The following NREP variants were observed in gnomAD, a reference collection of about 807,000 sequenced individuals.
NREP encodes the protein neuronal regeneration-related protein.
Under a neutral mutation model 8.6 loss-of-function variants are expected in NREP, and 5 were observed. That is an observed-to-expected ratio of 0.58 (90% CI 0.30 to 1.22). The LOEUF (loss-of-function observed/expected upper bound fraction) is 1.22, where lower values mean the gene tolerates loss of function less well. NREP is among the 50% of genes most tolerant of loss of function. NREP has a pLI of 0.07. For synonymous variants in NREP, 27 were observed against 28.0 expected (o/e 0.96, Z 0.11); for missense variants, 86 against 82.5 (o/e 1.04, Z -0.17).
At chr5:111,892,563 A>C (rs1217788731) in intron 2 of NREP, among the ~76,000 whole-genome samples, 1 of 152,182 alleles carries the variant, frequency 6.6e-6, no homozygotes, top group Non-Finnish European at 1.5e-5. Context: ...GTTAGAAATA[A>C]AGGGACATTA....
chr5:111,944,661 TCTTAA>T (rs1755927304), intron 2 of NREP, among the ~76,000 whole-genome samples: 1 of 152,092 alleles, frequency 6.6e-6, no homozygotes, highest in Admixed American at 6.6e-5. Context: ...GAATATCTGT[TCTTAA>T]CTTGATTGGT....
intron 2 of NREP, among the ~76,000 whole-genome samples, chr5:111,787,070 G>A (rs2112889252): frequency 6.6e-6 from 1 of 152,292 alleles, no homozygotes; most frequent in East Asian, 1.9e-4. Context: ...AAAGGAACCA[G>A]CAGTAGCCAC....
chr5:111,757,228 T>TG (rs1750772738), upstream of NREP: 15 of 229,230 alleles, frequency 6.5e-5, no homozygotes, highest in Admixed American at 1.9e-3. Flanking sequence ...GAAAGACAGA[T>TG]TGGGGGGGGA....
intron 2 of NREP, among the ~76,000 whole-genome samples, chr5:111,748,035 T>C (rs1314672362): frequency 1.3e-5 from 2 of 152,166 alleles, no homozygotes; most frequent in Non-Finnish European, 2.9e-5. Flanking sequence ...AAAAGCACCA[T>C]TAATACCCTC....
chr5:111,919,872 A>AG (rs1755178149), intron 2 of NREP, among the ~76,000 whole-genome samples: 2 of 83,754 alleles, frequency 2.4e-5, no homozygotes, highest in African/African-American at 7.4e-5. Context: ...GAAGAGAGAG[A>AG]AAGAAAGAAA....
chr5:111,928,182 A>G lies in NREP; in HGVS notation c.135+47092T>C, dbSNP rs73787735. Among the ~76,000 whole-genome samples the G allele has an allele frequency of 6.6e-3, 993 of 150,246 alleles. 10 individuals carry two copies. Among genetic ancestry groups the G allele is most frequent in the South Asian group, 0.029 (134 of 4,698 alleles). ...TATTTTTGCTCATATATCCCCTAAA[A>G]GAATTTTGCAAACTATTTACATCGC... On this transcript the variant is annotated intron_variant, in intron 2 of 3. Coordinates refer to the NREP transcript ENST00000395634.
intron 2 of NREP, among the ~76,000 whole-genome samples, chr5:111,895,509 A>C (rs1045908060): frequency 1.3e-5 from 2 of 152,112 alleles, no homozygotes; most frequent in African/African-American, 2.4e-5. Context: ...ATGGTAGTGA[A>C]TTTGCCAGGC....
intron 2 of NREP, among the ~76,000 whole-genome samples, chr5:111,896,643 C>T (rs142506754): frequency 3.3e-5 from 5 of 152,224 alleles, no homozygotes; most frequent in Non-Finnish European, 7.4e-5. Context: ...TATTTCATGC[C>T]CTACCTCTTA....
chr5:111,924,990 C>A (rs1459069435), intron 2 of NREP, among the ~76,000 whole-genome samples: 1 of 152,056 alleles, frequency 6.6e-6, no homozygotes, highest in Non-Finnish European at 1.5e-5. Context: ...GTAGGTCCCC[C>A]CAGCTACAAC....
intron 2 of NREP, among the ~76,000 whole-genome samples, chr5:111,900,218 A>G (rs1754609181): frequency 6.6e-6 from 1 of 152,058 alleles, no homozygotes; most frequent in South Asian, 2.1e-4. Context: ...GAGGAAATTT[A>G]AAAATATTAA....
chr5:111,917,084 T>G (rs909695216), intron 2 of NREP, among the ~76,000 whole-genome samples: 1 of 152,142 alleles, frequency 6.6e-6, no homozygotes, highest in Non-Finnish European at 1.5e-5. Flanking sequence ...GTGTCCCTTT[T>G]CCCATGATTC....
chr5:111,755,848 A>T lies in NREP; in HGVS notation c.-58-18T>A. 4 of 1,613,378 alleles carry T rather than the reference A, an allele frequency of 2.5e-6. No homozygotes were observed. The highest frequency in any genetic ancestry group is 2.5e-6 in the Non-Finnish European group (3 of 1,179,624). ...AGACCAACCTGCAAAATATGTTTAA[A>T]TACAGTAGACACATCGCCTCACCAC... On this transcript the variant is annotated intron_variant, in intron 1 of 3. Coordinates refer to ENST00000257435, the MANE Select transcript of NREP (RefSeq NM_004772.4).
At chr5:111,777,337 GGTGTGGGTGTGTGTGTGAGTGTGT>G (rs1340187006) in intron 2 of NREP, among the ~76,000 whole-genome samples, 1 of 149,264 alleles carries the variant, frequency 6.7e-6, no homozygotes, top group African/African-American at 2.5e-5. Flanking sequence ...TACAGTGTGT[GGTGTGGGTGTGTGTGTGAGTGTGT>G]GTGTGTGTGT....
At chr5:111,753,789 T>C (rs1277292099) in intron 2 of NREP, among the ~76,000 whole-genome samples, 1 of 151,954 alleles carries the variant, frequency 6.6e-6, no homozygotes, top group Non-Finnish European at 1.5e-5. Flanking sequence ...GTTACAGAGG[T>C]CCACAAAGTA....
chr5:111,917,614 A>G (rs1232471706), intron 2 of NREP, among the ~76,000 whole-genome samples: 2 of 152,194 alleles, frequency 1.3e-5, no homozygotes, highest in African/African-American at 2.4e-5. Flanking sequence ...AAACCACCTG[A>G]TTATCTCCAT....
intron 2 of NREP, among the ~76,000 whole-genome samples, chr5:111,844,874 C>T (rs891952667): frequency 1.8e-4 from 27 of 151,156 alleles, no homozygotes; most frequent in African/African-American, 6.1e-4. Flanking sequence ...ACTAAATTCT[C>T]GAATCTTCAC....
At chr5:111,802,502 C>T (rs1561672520) in intron 2 of NREP, among the ~76,000 whole-genome samples, 1 of 152,108 alleles carries the variant, frequency 6.6e-6, no homozygotes, top group Admixed American at 6.6e-5. Flanking sequence ...GCAGGAAAGA[C>T]AGAGTGTACA....
chr5:111,849,563 T>A (rs867726545), intron 2 of NREP, among the ~76,000 whole-genome samples: 3 of 152,130 alleles, frequency 2.0e-5, no homozygotes, highest in African/African-American at 7.2e-5. Context: ...GACAGCAAGA[T>A]TGGAGGCAGG....
upstream of NREP, among the ~76,000 whole-genome samples, chr5:111,761,584 G>T (rs893445148): frequency 1.3e-5 from 2 of 152,126 alleles, no homozygotes; most frequent in African/African-American, 4.8e-5. Flanking sequence ...TTATTTTTCT[G>T]TCTTCACCAC....
Sources: allele counts gnomAD v4.1 joint callset (sites outside exome capture counted in the v4.1 genomes callset), GRCh38; gene constraint gnomAD v4.1.1; transcripts MANE v1.5; gene names NCBI Gene and HGNC (gene_info 2026-07-23, HGNC 2026-07-21).